Variants in RNF38 observed in about 807,000 individuals in gnomAD.
RNF38 encodes the protein ring finger protein 38.
A neutral mutation model predicts 67.2 loss-of-function variants in RNF38; 15 were observed. That is an observed-to-expected ratio of 0.22 (90% CI 0.15 to 0.34). The LOEUF (loss-of-function observed/expected upper bound fraction) is 0.34, where lower values mean the gene tolerates loss of function less well. RNF38 is among the 10% of genes least tolerant of loss of function. The pLI is 1.00. For missense variants in RNF38, 524 were observed against 639.9 expected (o/e 0.82, Z 1.95); for synonymous variants, 220 against 218.8 (o/e 1.01, Z -0.05).
chr9:36,364,804 G>GT (rs1834820919), intron 4 of RNF38, among the ~76,000 whole-genome samples: 1 of 152,206 alleles, frequency 6.6e-6, no homozygotes, highest in Non-Finnish European at 1.5e-5. Context: ...TCCTGATTCA[G>GT]TAAGTCTAGT....
intron 1 of RNF38, among the ~76,000 whole-genome samples, chr9:36,453,161 G>A (rs986842223): frequency 1.3e-5 from 2 of 152,124 alleles, no homozygotes; most frequent in Non-Finnish European, 2.9e-5. Flanking sequence ...ACAACGTGTT[G>A]TTGTCTGTCT....
At chr9:36,461,621 C>T (rs1839735035) in intron 1 of RNF38, among the ~76,000 whole-genome samples, 1 of 152,076 alleles carries the variant, frequency 6.6e-6, no homozygotes, top group Non-Finnish European at 1.5e-5. Flanking sequence ...TGAAAGGCTA[C>T]TGTGGCAGTT....
chr9:36,448,970 G>C (rs750538786), intron 1 of RNF38, among the ~76,000 whole-genome samples: 1 of 151,944 alleles, frequency 6.6e-6, no homozygotes, highest in African/African-American at 2.4e-5. Context: ...CTCCAGCCTG[G>C]GCGACAAAGC....
intron 2 of RNF38, chr9:36,424,592 A>G: frequency 1.0e-6 from 1 of 975,346 alleles, no homozygotes; most frequent in Middle Eastern, 5.2e-4. Flanking sequence ...TCCCCATGGC[A>G]GACATCAACA....
At chr9:36,454,518 T>C (rs777520858) in intron 1 of RNF38, among the ~76,000 whole-genome samples, 49 of 151,992 alleles carry the variant, frequency 3.2e-4, no homozygotes, top group Non-Finnish European at 6.2e-4. Context: ...TTATGTTAGG[T>C]GTTTCTGAAA....
intron 1 of RNF38, 88 bp from the exon 2 acceptor site, chr9:36,390,704 A>T (rs1837014735): frequency 7.4e-7 from 1 of 1,343,498 alleles, no homozygotes; most frequent in Non-Finnish European, 1.0e-6. Context: ...TGGATTTTCT[A>T]GGTATTTGAT....
intron 11 of RNF38, 106 bp from the exon 12 acceptor site, chr9:36,339,920 C>T (rs1832718886): frequency 6.9e-6 from 7 of 1,015,212 alleles, no homozygotes; most frequent in African/African-American, 3.2e-5. Context: ...ATTCTTTCTT[C>T]CTCTGAAGAG....
At chr9:36,379,268 G>C (rs1836024087) in intron 2 of RNF38, among the ~76,000 whole-genome samples, 1 of 152,190 alleles carries the variant, frequency 6.6e-6, no homozygotes, top group Non-Finnish European at 1.5e-5. Context: ...ACATTAAAAA[G>C]TAGTTTGCTA....
intron 1 of RNF38, among the ~76,000 whole-genome samples, chr9:36,393,660 C>T (rs1287542624): frequency 6.6e-6 from 1 of 151,876 alleles, no homozygotes; most frequent in African/African-American, 2.4e-5. Flanking sequence ...AATCATATGA[C>T]AAAGGAGGAA....
At chr9:36,375,759 A>G (rs2133850713) in intron 3 of RNF38, among the ~76,000 whole-genome samples, 175 bp downstream of exon 3, 1 of 152,348 alleles carries the variant, frequency 6.6e-6, no homozygotes, top group Middle Eastern at 3.4e-3. Context: ...TAAGCTAAAT[A>G]AACTCTTCTA....
intron 2 of RNF38, among the ~76,000 whole-genome samples, chr9:36,383,575 T>G (rs1836366592): frequency 6.6e-6 from 1 of 152,202 alleles, no homozygotes. Context: ...GTACACAGTC[T>G]CATTTCACAT....
intron 1 of RNF38, among the ~76,000 whole-genome samples, chr9:36,450,377 G>A (rs544890971): frequency 3.4e-4 from 51 of 152,120 alleles, no homozygotes; most frequent in South Asian, 1.2e-3. Context: ...GGAAAGGCAG[G>A]GAACCACTAG....
chr9:36,396,346 C>T (rs189857192), intron 1 of RNF38, among the ~76,000 whole-genome samples: 1 of 152,242 alleles, frequency 6.6e-6, no homozygotes, highest in Admixed American at 6.5e-5. Context: ...CCAGTAAGTC[C>T]ACCCCATCCT....
At chr9:36,465,388 C>G (rs1294808096) in intron 1 of RNF38, among the ~76,000 whole-genome samples, 1 of 151,974 alleles carries the variant, frequency 6.6e-6, no homozygotes, top group Non-Finnish European at 1.5e-5. Flanking sequence ...CTCTTGTTGC[C>G]CAGGCTGGAG....
In RNF38 at chr9:36,337,888, G is replaced by C. The variant is rs1832564403; in HGVS notation, c.*1864C>G. 1 of 152,646 alleles carries C rather than the reference G, an allele frequency of 6.6e-6. No individual in the cohort carries two copies. The highest frequency in any genetic ancestry group is 2.4e-5 in the African/African-American group (1 of 41,462). 9.5% of individuals were successfully genotyped at this position (152,646 alleles called of 1,614,324 possible). The stretch of plus-strand genomic sequence containing the variant: ...ATGCAAAACCCTACTTGTAGGACTA[G>C]ATAGAGGCAACAATGTCTCGCAAAG... On this transcript the variant is annotated 3_prime_UTR_variant, in exon 12 of 12. Coordinates refer to ENST00000259605, the MANE Select transcript of RNF38 (RefSeq NM_022781.5).
chr9:36,480,548 C>T (rs77108467), intron 1 of RNF38, among the ~76,000 whole-genome samples: 9 of 100,804 alleles, frequency 8.9e-5, no homozygotes, highest in South Asian at 3.5e-4. Context: ...TTTTCTTTTT[C>T]TTTTTTTTTT....
At chr9:36,486,446 G>A (rs1030114306) in intron 1 of RNF38, among the ~76,000 whole-genome samples, 2 of 152,088 alleles carry the variant, frequency 1.3e-5, no homozygotes, top group African/African-American at 4.8e-5. Flanking sequence ...AACTCACATG[G>A]CCTTCTGTGC....
chr9:36,422,006 T>A (rs1366231035), intron 2 of RNF38, among the ~76,000 whole-genome samples: 2 of 151,898 alleles, frequency 1.3e-5, no homozygotes, highest in African/African-American at 4.8e-5. Flanking sequence ...CTGAGTTGGG[T>A]GGATCACTTG....
At chr9:36,480,243 T>G (rs1167216883) in intron 1 of RNF38, among the ~76,000 whole-genome samples, 1 of 152,104 alleles carries the variant, frequency 6.6e-6, no homozygotes, top group African/African-American at 2.4e-5. Flanking sequence ...CCTCCCAAAG[T>G]GCTGAGATTA....
Sources: allele counts gnomAD v4.1 joint callset (sites outside exome capture counted in the v4.1 genomes callset), GRCh38; gene constraint gnomAD v4.1.1; transcripts MANE v1.5; gene names NCBI Gene and HGNC (gene_info 2026-07-23, HGNC 2026-07-21).